The following ABCB10 variants were observed in gnomAD, a reference collection of about 807,000 sequenced individuals.
The protein encoded by ABCB10 is ATP-binding cassette sub-family B member 10, mitochondrial.
ABCB10 carries 54 observed loss-of-function variants against 65.4 expected under a neutral mutation model. The ratio of observed to expected loss-of-function variants is 0.83; its 90% CI spans 0.66 to 1.04. The LOEUF (loss-of-function observed/expected upper bound fraction) is 1.04, where lower values mean the gene tolerates loss of function less well. Among genes scored for constraint, ABCB10 ranks in the 50% least tolerant of loss-of-function variants. ABCB10 has a pLI of 0.00. For missense variants in ABCB10, 846 were observed against 976.6 expected (o/e 0.87, Z 1.78); for synonymous variants, 418 against 406.5 (o/e 1.03, Z -0.34).
In ABCB10 at chr1:229,558,680, G is replaced by A. The variant is rs1400031401; in HGVS notation, c.-28C>T. On this transcript the variant is annotated 5_prime_UTR_variant, in exon 1 of 13. Transcript: ENST00000344517. Reference sequence around the variant, plus strand: ...CGCTGCGTGCGACCCGTACGCCTCAGCCCGCCGGCCAGGCGCGCGCAAAGC... The same window carrying A: ...CGCTGCGTGCGACCCGTACGCCTCAACCCGCCGGCCAGGCGCGCGCAAAGC... 1.6e-6 allele frequency: 2 copies of A among 1,266,802 alleles called. No homozygotes were observed. Among genetic ancestry groups the A allele is most frequent in the Non-Finnish European group, 2.0e-6 (2 of 1,007,912 alleles). 78.5% of individuals were successfully genotyped at this position (1,266,802 alleles called of 1,614,324 possible).
intron 1 of ABCB10, among the ~76,000 whole-genome samples, chr1:229,552,879 G>A (rs774875088): frequency 6.6e-6 from 1 of 152,122 alleles, no homozygotes; most frequent in Non-Finnish European, 1.5e-5. Flanking sequence ...CACATTCTGC[G>A]ACAAAGCCTG....
chr1:229,552,118 T>C (rs1379404756), intron 1 of ABCB10, among the ~76,000 whole-genome samples: 1 of 152,264 alleles, frequency 6.6e-6, no homozygotes, highest in Non-Finnish European at 1.5e-5. Context: ...CCCCACACTT[T>C]TACTTTTTAA....
intron 1 of ABCB10, among the ~76,000 whole-genome samples, chr1:229,555,436 G>A (rs1038506363): frequency 6.6e-6 from 1 of 152,242 alleles, no homozygotes; most frequent in African/African-American, 2.4e-5. Flanking sequence ...CCAAAGGGGC[G>A]GCTTAGGCCT....
rs1663317465 is a variant in ABCB10 at position 229,558,409 on chromosome 1, C to T, written c.244G>A (p.Gly82Ser). 1 of 1,202,028 alleles carries T rather than the reference C, an allele frequency of 8.3e-7. No individual in the cohort carries two copies. Among genetic ancestry groups the T allele is most frequent in the Non-Finnish European group, 1.0e-6 (1 of 970,614 alleles). 74.5% of individuals were successfully genotyped at this position (1,202,028 alleles called of 1,614,324 possible). ...CRGGGPGASR[G>S]VLGLARLLGL... ...AGGAGCCGCGCGAGGCCCAGGACGCCCCGCGAGGCGCCCGGACCCCCGCCC... is the reference window on the plus strand; with the variant it reads ...AGGAGCCGCGCGAGGCCCAGGACGCTCCGCGAGGCGCCCGGACCCCCGCCC... Residue 82 changes from glycine (G) to serine (S), a missense_variant, in exon 1 of 13, where the codon GGC becomes AGC. Coordinates refer to ENST00000344517, the MANE Select transcript of ABCB10 (RefSeq NM_012089.3).
chr1:229,528,743 G>T (rs551934522), intron 8 of ABCB10, among the ~76,000 whole-genome samples: 1 of 151,590 alleles, frequency 6.6e-6, no homozygotes, highest in East Asian at 1.9e-4. Flanking sequence ...ACCCGGGCTG[G>T]TCTCCAACTT....
chr1:229,519,791 A>AAAAT (rs1169593255), intron 11 of ABCB10, among the ~76,000 whole-genome samples: 1 of 145,132 alleles, frequency 6.9e-6, no homozygotes, highest in Admixed American at 7.0e-5. Flanking sequence ...TCTGTCTCAG[A>AAAAT]AAATAAATAA....
chr1:229,543,884 G>C (rs1292724545), intron 3 of ABCB10, among the ~76,000 whole-genome samples: 4 of 152,116 alleles, frequency 2.6e-5, no homozygotes, highest in African/African-American at 9.7e-5. Flanking sequence ...ATCTCTGATG[G>C]TCACCATCAG....
At chr1:229,549,567 C>A in intron 1 of ABCB10, 133 bp from the exon 2 acceptor site, 1 of 841,574 alleles carries the variant, frequency 1.2e-6, no homozygotes, top group Non-Finnish European at 1.9e-6. Context: ...CAGTTTCCTC[C>A]CTTTTGCTCC....
chr1:229,519,486 G>A (rs1444358109), intron 11 of ABCB10, among the ~76,000 whole-genome samples: 2 of 152,120 alleles, frequency 1.3e-5, no homozygotes, highest in Non-Finnish European at 2.9e-5. Flanking sequence ...AGTGAGATGA[G>A]AATCTAAAAT....
intron 10 of ABCB10, among the ~76,000 whole-genome samples, chr1:229,523,400 C>G (rs1168658364): frequency 6.6e-6 from 1 of 152,200 alleles, no homozygotes; most frequent in Non-Finnish European, 1.5e-5. Flanking sequence ...GCTGAACATA[C>G]TTATCAACAG....
rs752516038 is a variant in ABCB10, at chr1:229,518,089, T to G, written c.*90A>C. On this transcript the variant is annotated 3_prime_UTR_variant, in exon 13 of 13. Coordinates refer to ENST00000344517, the MANE Select transcript of ABCB10 (RefSeq NM_012089.3). The stretch of plus-strand genomic sequence containing the variant: ...TAGGTATTTTTCAAATAACTTGATA[T>G]ATGGTTTATGTATTTCATAGTCTCT... 4 of 923,000 alleles carry G rather than the reference T, an allele frequency of 4.3e-6. No homozygotes were observed. The East Asian group carries it at 9.8e-5, about 23-fold the overall frequency. The allele number at this position is 923,000 out of a possible 1,614,324, so 57.2% of individuals were successfully genotyped here.
At chr1:229,554,030 C>T (rs1218154720) in intron 1 of ABCB10, among the ~76,000 whole-genome samples, 1 of 152,238 alleles carries the variant, frequency 6.6e-6, no homozygotes, top group African/African-American at 2.4e-5. Flanking sequence ...GTTCGCACTG[C>T]AGTCTCTCTC....
chr1:229,524,979 G>A (rs577477127), intron 10 of ABCB10, among the ~76,000 whole-genome samples: 62 of 151,918 alleles, frequency 4.1e-4, no homozygotes, highest in Middle Eastern at 3.4e-3. Flanking sequence ...TCAGCCTCCC[G>A]AGTAGCTGGG....
chr1:229,530,007 A>AG lies in ABCB10; in HGVS notation c.1645+191dup. 2.0e-5 allele frequency among the ~76,000 whole-genome samples: 3 copies of AG among 152,342 alleles called. No homozygotes were observed. In the South Asian group the frequency reaches 6.2e-4, roughly 32 times the overall value. Reference sequence around the variant, plus strand: ...ACACATTACACACAAAAAGCTCTAAAGGCCTCTGTATGAGCTGTCATGCCC... The same window carrying AG: ...ACACATTACACACAAAAAGCTCTAAAGGGCCTCTGTATGAGCTGTCATGCCC... On this transcript the variant is annotated intron_variant, in intron 8 of 12. Coordinates refer to ENST00000344517, the MANE Select transcript of ABCB10 (RefSeq NM_012089.3).
intron 6 of ABCB10, among the ~76,000 whole-genome samples, chr1:229,532,307 T>C (rs763997791): frequency 2.0e-5 from 3 of 152,154 alleles, no homozygotes; most frequent in Non-Finnish European, 4.4e-5. Flanking sequence ...GAAAAACATA[T>C]ATAGTCATAC....
At chr1:229,541,995 T>C (rs1662860532) in intron 4 of ABCB10, among the ~76,000 whole-genome samples, 1 of 150,044 alleles carries the variant, frequency 6.7e-6, no homozygotes, top group Non-Finnish European at 1.5e-5. Flanking sequence ...GAAATAGTGA[T>C]AGTAACAAGT....
Position 229,540,645 on chromosome 1 carries a change from T to C in ABCB10, c.1164A>G (p.Ala388=). Residue 388 remains alanine (A), a synonymous_variant, in exon 5 of 13, where the codon GCA becomes GCG. Coordinates refer to ENST00000344517, the MANE Select transcript of ABCB10 (RefSeq NM_012089.3). ...ASKVDHVMQL[A]RKEAFARAGF... is the part of the protein sequence containing the mutation. ...CAGCCCGGGCGAATGCCTCTTTCCT[T>C]GCTAACTGCATTACATGGTCCACTT... The C allele has an allele frequency of 6.2e-7, 1 of 1,612,376 alleles. No homozygotes were observed. Among genetic ancestry groups the C allele is most frequent in the Non-Finnish European group, 8.5e-7 (1 of 1,180,014 alleles).
At chr1:229,544,234 T>C (rs989426309) in intron 3 of ABCB10, among the ~76,000 whole-genome samples, 2 of 151,798 alleles carry the variant, frequency 1.3e-5, no homozygotes, top group Non-Finnish European at 2.9e-5. Context: ...CTGGGCAACA[T>C]GGTGAGACAC....
At chr1:229,558,043 C>A in intron 1 of ABCB10, 93 bp downstream of exon 1, 1 of 1,224,994 alleles carries the variant, frequency 8.2e-7, no homozygotes, top group Non-Finnish European at 1.0e-6. Context: ...GACACGCGCT[C>A]TGCGGCCCGG....
Sources: gnomAD v4.1 joint callset for allele counts (sites outside exome capture counted in the v4.1 genomes callset) on GRCh38, gnomAD v4.1.1 for gene constraint, MANE v1.5 for transcripts, NCBI Gene and HGNC (gene_info 2026-07-23, HGNC 2026-07-21) for gene names.